GTF2A2: variants seen among roughly 807,000 people sequenced by gnomAD.
GTF2A2 encodes transcription initiation factor IIA subunit 2.
Under a neutral mutation model 14.3 loss-of-function variants are expected in GTF2A2, and 9 were observed. The ratio of observed to expected loss-of-function variants is 0.63; its 90% confidence interval spans 0.38 to 1.10. The LOEUF (loss-of-function observed/expected upper bound fraction) is 1.10, where lower values mean the gene tolerates loss of function less well. GTF2A2 is among the 50% of genes least tolerant of loss of function. The pLI, the probability that GTF2A2 is intolerant of heterozygous loss-of-function variation, is 0.01. For synonymous variants in GTF2A2, 56 were observed against 46.0 expected, an observed-to-expected ratio of 1.22 and a Z score of -0.88; for missense variants, 90 against 124.6, an observed-to-expected ratio of 0.72 and a Z score of 1.32.
intron 4 of GTF2A2, among the ~76,000 whole-genome samples, chr15:59,641,181 CTTT>C (rs374075324): frequency 2.5e-4 from 35 of 141,380 alleles, no homozygotes; most frequent in South Asian, 4.5e-4. Flanking sequence ...CAGCAAGACT[CTTT>C]TTTTTTTTTT....
intron 4 of GTF2A2, among the ~76,000 whole-genome samples, chr15:59,641,423 G>A (rs926273205): frequency 1.3e-5 from 2 of 152,240 alleles, no homozygotes; most frequent in East Asian, 1.9e-4. Flanking sequence ...GGGAAATGGA[G>A]GGGGTTACTT....
In GTF2A2 at chr15:59,638,225, TGA is replaced by T. The variant is rs1491464208; in HGVS notation, c.*905_*906del. ...TACCTAGCCAAAGTTAGTTTTAATG[TGA>T]GAGTCAAGGACTACAGTGGCATGCT... On this transcript the variant is annotated 3_prime_UTR_variant, in exon 5 of 5. Coordinates refer to ENST00000396060, the MANE Select transcript of GTF2A2 (RefSeq NM_004492.3). 2 of 152,070 alleles carry T rather than the reference TGA, an allele frequency of 1.3e-5. No individual in the cohort carries two copies. The highest frequency in any genetic ancestry group is 4.8e-5 in the African/African-American group (2 of 41,386). 9.4% of individuals were successfully genotyped at this position (152,070 alleles called of 1,614,324 possible).
At chr15:59,648,201 GT>G (rs781629999) in intron 3 of GTF2A2, among the ~76,000 whole-genome samples, 1 of 151,902 alleles carries the variant, frequency 6.6e-6, no homozygotes, top group Non-Finnish European at 1.5e-5. Flanking sequence ...GAGGTCAGGA[GT>G]TCGAGACCAG....
intron 3 of GTF2A2, among the ~76,000 whole-genome samples, chr15:59,647,435 T>G (rs1291027125): frequency 6.6e-6 from 1 of 152,158 alleles, no homozygotes; most frequent in Non-Finnish European, 1.5e-5. Context: ...GATTTATTCT[T>G]TAAATTCAAA....
At chr15:59,654,961 G>C (rs539533000) in intron 1 of GTF2A2, among the ~76,000 whole-genome samples, 39 of 152,210 alleles carry the variant, frequency 2.6e-4, no homozygotes, top group Non-Finnish European at 5.4e-4. Flanking sequence ...TTGGATTTTG[G>C]AGCATTTTGA....
chr15:59,638,934 A>C lies in GTF2A2; in HGVS notation c.*198T>G. 1 of 489,038 alleles carries C rather than the reference A, an allele frequency of 2.0e-6. No individual in the cohort carries two copies. Among genetic ancestry groups the C allele is most frequent in the Non-Finnish European group, 3.7e-6 (1 of 269,164 alleles). 30.3% of individuals were successfully genotyped at this position (489,038 alleles called of 1,614,324 possible). A position where few individuals can be genotyped will look rare whatever the true frequency, so the allele number is the denominator to read the frequency against. On this transcript the variant is annotated 3_prime_UTR_variant, in exon 5 of 5. Coordinates refer to ENST00000396060, the MANE Select transcript of GTF2A2 (RefSeq NM_004492.3). Reference sequence around the variant, plus strand: ...GCAACAACTTTTGTCCTTAAAAAAAAGTTATGGTTTTTCATGCTGTATAAT... The same window carrying C: ...GCAACAACTTTTGTCCTTAAAAAAACGTTATGGTTTTTCATGCTGTATAAT...
At chr15:59,641,504 T>G (rs939797752) in intron 4 of GTF2A2, among the ~76,000 whole-genome samples, 30 of 152,330 alleles carry the variant, frequency 2.0e-4, no homozygotes, top group African/African-American at 7.2e-4. Flanking sequence ...ATTTACTTTC[T>G]GGAATAGCTG....
At chr15:59,645,331 G>A (rs1213241347) in intron 3 of GTF2A2, among the ~76,000 whole-genome samples, 4 of 152,232 alleles carry the variant, frequency 2.6e-5, no homozygotes, top group South Asian at 2.1e-4. Context: ...CAAGGACAGC[G>A]GACGCACGCT....
intron 4 of GTF2A2, among the ~76,000 whole-genome samples, chr15:59,641,804 TA>T (rs1891437460): frequency 6.6e-6 from 1 of 152,190 alleles, no homozygotes; most frequent in Non-Finnish European, 1.5e-5. Flanking sequence ...CATAGGATTG[TA>T]AAAATTATTC....
At position 59,652,133 on chromosome 15, in the gene GTF2A2, C is replaced by T. The variant is rs1891812469; in HGVS notation, c.72+73G>A. 6 of 843,796 alleles carry T rather than the reference C, an allele frequency of 7.1e-6. No homozygotes were observed. The Admixed American group carries it at 1.2e-4, about 18-fold the overall frequency. The allele number at this position is 843,796 out of a possible 1,614,324, so 52.3% of individuals were successfully genotyped here. On this transcript the variant is annotated intron_variant, in intron 2 of 4. Coordinates refer to ENST00000396060, the MANE Select transcript of GTF2A2 (RefSeq NM_004492.3). ...AGATATTTTACCTCATATCTCTTTG[C>T]CTAAGTGATATGACAAGAATTACTG...
At chr15:59,642,373 A>T in intron 3 of GTF2A2, 111 bp from the exon 4 acceptor site, 2 of 884,660 alleles carry the variant, frequency 2.3e-6, no homozygotes, top group Non-Finnish European at 3.2e-6. Flanking sequence ...TTTAATGCTT[A>T]GCTTAAGATT....
In GTF2A2 at chr15:59,645,423, A is replaced by G. The variant is rs563886525; in HGVS notation, c.178-3161T>C. Among the ~76,000 whole-genome samples the G allele has an allele frequency of 2.0e-5, 3 of 152,278 alleles. No individual in the cohort carries two copies. The East Asian group carries it at 5.8e-4, about 29-fold the overall frequency. On this transcript the variant is annotated intron_variant, in intron 3 of 4. Coordinates refer to ENST00000396060, the MANE Select transcript of GTF2A2 (RefSeq NM_004492.3). Reference sequence around the variant, plus strand: ...GTCTGAGAGCAACAGGCCAGGGAATACGAGAAAAGCTCACACAGTATGGTT... The same window carrying G: ...GTCTGAGAGCAACAGGCCAGGGAATGCGAGAAAAGCTCACACAGTATGGTT...
At chr15:59,648,967 AT>A (rs1340685642) in intron 3 of GTF2A2, among the ~76,000 whole-genome samples, 1 of 152,010 alleles carries the variant, frequency 6.6e-6, no homozygotes, top group Non-Finnish European at 1.5e-5. Context: ...AAAAAAAACT[AT>A]AAAACAATTT....
rs1891992400 is a variant in GTF2A2 at position 59,657,473 on chromosome 15, C to T, written c.-117G>A. The T allele has an allele frequency of 6.6e-6, 1 of 152,526 alleles. No homozygotes were observed. The highest frequency in any genetic ancestry group is 2.4e-5 in the African/African-American group (1 of 41,480). 9.4% of individuals were successfully genotyped at this position (152,526 alleles called of 1,614,324 possible). On this transcript the variant is annotated 5_prime_UTR_variant, in exon 1 of 5. Transcript: ENST00000396060. Reference sequence around the variant, plus strand: ...CCACGAGCCCGGCAGGAGGTTCCTACTTCTCCGACCACCTCTCCAGCCGCC... The same window carrying T: ...CCACGAGCCCGGCAGGAGGTTCCTATTTCTCCGACCACCTCTCCAGCCGCC...
chr15:59,657,073 C>A (rs1370198265), intron 1 of GTF2A2: 1 of 152,238 alleles, frequency 6.6e-6, no homozygotes, highest in East Asian at 1.9e-4. Flanking sequence ...AAATGCTCTC[C>A]GAAATTCGGC....
chr15:59,654,809 T>A (rs1051721898), intron 1 of GTF2A2, among the ~76,000 whole-genome samples: 28 of 152,334 alleles, frequency 1.8e-4, no homozygotes, highest in African/African-American at 6.0e-4. Flanking sequence ...GAACATTCCT[T>A]ATCTGAAATG....
chr15:59,656,814 C>T (rs1360877658), intron 1 of GTF2A2: 3 of 152,200 alleles, frequency 2.0e-5, no homozygotes, highest in Non-Finnish European at 4.4e-5. Context: ...AATGTTCTTA[C>T]ATTCTTTAAA....
intron 2 of GTF2A2, 164 bp downstream of exon 2, chr15:59,652,042 A>G (rs545362726): frequency 1.8e-6 from 1 of 555,964 alleles, no homozygotes; most frequent in South Asian, 2.3e-5. Flanking sequence ...TTGTCAGGAC[A>G]GTGTAATAAA....
intron 3 of GTF2A2, among the ~76,000 whole-genome samples, chr15:59,647,682 G>C (rs575129769): frequency 6.6e-6 from 1 of 152,070 alleles, no homozygotes; most frequent in East Asian, 1.9e-4. Context: ...GGATTCAAGC[G>C]ATTCTCCCGC....
Sources: gnomAD v4.1 joint callset for allele counts (sites outside exome capture counted in the v4.1 genomes callset) on GRCh38, gnomAD v4.1.1 for gene constraint, MANE v1.5 for transcripts, NCBI Gene and HGNC (gene_info 2026-07-23, HGNC 2026-07-21) for gene names.